Variants in OR3A2 observed in about 807,000 individuals in gnomAD.
OR3A2 encodes the protein olfactory receptor 3A2.
For missense variants in OR3A2, 318 were observed against 392.8 expected (o/e 0.81, Z 1.61); for synonymous variants, 126 against 159.3 (o/e 0.79, Z 1.57).
Position 3,371,444 on chromosome 17 carries a change from G to A in OR3A2, c.-179+12360C>T, listed in dbSNP as rs1395798952. ...GGGCTGACCCCCCCACCTCCCTCCC[G>A]GACGGGGTGGCTGGCTGGGCGGGGG... On this transcript the variant is annotated intron_variant, in intron 2 of 4. Transcript: ENST00000573491. Among the ~76,000 whole-genome samples the A allele has an allele frequency of 8.4e-5, 12 of 142,836 alleles. 1 individual carries two copies. Among genetic ancestry groups the A allele is most frequent in the African/African-American group, 2.1e-4 (8 of 38,212 alleles). The allele number at this position is 142,836 out of a possible 152,430, so 93.7% of individuals were successfully genotyped here. A position where few individuals can be genotyped will look rare whatever the true frequency, so the allele number is the denominator to read the frequency against.
intron 1 of OR3A2, among the ~76,000 whole-genome samples, chr17:3,280,480 G>T (rs1034326563): frequency 3.3e-5 from 5 of 152,098 alleles, no homozygotes; most frequent in African/African-American, 1.2e-4. Context: ...CACCGTGTTA[G>T]CCAGGATGGT....
At chr17:3,341,703 C>A (rs974456120) in intron 2 of OR3A2, among the ~76,000 whole-genome samples, 2 of 152,086 alleles carry the variant, frequency 1.3e-5, no homozygotes, top group Non-Finnish European at 2.9e-5. Flanking sequence ...AACATTTTTT[C>A]TTTCATTTCA....
At chr17:3,330,032 T>A (rs1208646973) in intron 3 of OR3A2, among the ~76,000 whole-genome samples, 5 of 147,358 alleles carry the variant, frequency 3.4e-5, no homozygotes, top group Non-Finnish European at 5.9e-5. Flanking sequence ...TTGAGTGAGA[T>A]TCTTAATCCT....
At chr17:3,371,998 CCGGG>C (rs1392103061) in intron 2 of OR3A2, among the ~76,000 whole-genome samples, 12 of 112,444 alleles carry the variant, frequency 1.1e-4, no homozygotes, top group African/African-American at 3.7e-4. Flanking sequence ...GGGGTGGCTG[CCGGG>C]CAGAGGGGCT....
chr17:3,349,477 GCTAA>G (rs1417127106), intron 2 of OR3A2, among the ~76,000 whole-genome samples: 2 of 152,010 alleles, frequency 1.3e-5, no homozygotes, highest in African/African-American at 4.8e-5. Flanking sequence ...AACAAGAAGA[GCTAA>G]CTATCCTAAA....
chr17:3,294,913 A>G (rs1404082263), intron 3 of OR3A2, among the ~76,000 whole-genome samples: 1 of 152,206 alleles, frequency 6.6e-6, no homozygotes, highest in Admixed American at 6.5e-5. Context: ...AGTTACAAAC[A>G]TTAGCCATTG....
chr17:3,334,091 A>C (rs7211482), intron 3 of OR3A2, among the ~76,000 whole-genome samples: 2,099 of 152,324 alleles, frequency 0.014, 38 homozygotes, highest in African/African-American at 0.047. Flanking sequence ...CAATTACTAA[A>C]AAGTCAAGAA....
intron 3 of OR3A2, among the ~76,000 whole-genome samples, chr17:3,296,376 C>T (rs962649983): frequency 2.0e-5 from 3 of 151,874 alleles, no homozygotes; most frequent in African/African-American, 7.3e-5. Context: ...ATGAGTATAT[C>T]CACAACAACG....
intron 3 of OR3A2, among the ~76,000 whole-genome samples, chr17:3,322,158 G>A (rs375253449): frequency 1.6e-4 from 25 of 152,170 alleles, no homozygotes; most frequent in South Asian, 6.2e-4. Context: ...GTTTATTTGC[G>A]TAGAGGTGTT....
chr17:3,360,512 T>C (rs1440305912), intron 2 of OR3A2, among the ~76,000 whole-genome samples: 2 of 151,838 alleles, frequency 1.3e-5, no homozygotes, highest in Non-Finnish European at 2.9e-5. Context: ...TCCTGAATGG[T>C]ATTGCATAGG....
At chr17:3,334,316 C>T (rs1049449504) in intron 3 of OR3A2, among the ~76,000 whole-genome samples, 2 of 152,132 alleles carry the variant, frequency 1.3e-5, no homozygotes, top group African/African-American at 4.8e-5. Context: ...CCTACCATTC[C>T]TGGCCTCTGG....
At chr17:3,367,835 T>C (rs1320690221) in intron 2 of OR3A2, among the ~76,000 whole-genome samples, 1 of 152,064 alleles carries the variant, frequency 6.6e-6, no homozygotes, top group East Asian at 1.9e-4. Flanking sequence ...CTGTTTTCCA[T>C]AGTGGTTGTA....
chr17:3,322,475 T>C (rs1250779907), intron 3 of OR3A2, among the ~76,000 whole-genome samples: 1 of 152,200 alleles, frequency 6.6e-6, no homozygotes. Flanking sequence ...GGGCATCAAT[T>C]TTAGATCTTT....
chr17:3,344,186 T>G (rs1257095366), intron 2 of OR3A2, among the ~76,000 whole-genome samples: 1 of 152,188 alleles, frequency 6.6e-6, no homozygotes, highest in African/African-American at 2.4e-5. Flanking sequence ...GATGTCTGTG[T>G]ATTGACTCTT....
chr17:3,357,396 T>G (rs1410620073), intron 2 of OR3A2, among the ~76,000 whole-genome samples: 1 of 151,442 alleles, frequency 6.6e-6, no homozygotes, highest in Non-Finnish European at 1.5e-5. Flanking sequence ...ACCCTCCCCA[T>G]GAAAATAAAA....
chr17:3,306,694 A>AAAAAAAAAAC lies in OR3A2; in HGVS notation c.-84-27542_-84-27541insGTTTTTTTTT, dbSNP rs1429072041. Among the ~76,000 whole-genome samples the AAAAAAAAAAC allele has an allele frequency of 4.1e-3, 483 of 118,152 alleles. 25 individuals are homozygous for AAAAAAAAAAC. The highest frequency in any genetic ancestry group is 0.033 in the Admixed American group (366 of 11,192). 77.5% of individuals were successfully genotyped at this position (118,152 alleles called of 152,430 possible). A position where few individuals can be genotyped will look rare whatever the true frequency, so the allele number is the denominator to read the frequency against. ...TACTACTCTTCAAAAAAAAAAAAAA[A>AAAAAAAAAAC]ACCGTAACCCCTTTTATTTTCTCCA... On this transcript the variant is annotated intron_variant, in intron 3 of 4. Transcript: ENST00000573491.
intron 3 of OR3A2, among the ~76,000 whole-genome samples, chr17:3,318,755 C>A (rs1336251997): frequency 6.6e-6 from 1 of 152,106 alleles, no homozygotes; most frequent in Non-Finnish European, 1.5e-5. Flanking sequence ...AGCTATTTCC[C>A]TAAATGGGCC....
chr17:3,338,947 C>G (rs1490586671), intron 2 of OR3A2, among the ~76,000 whole-genome samples: 1 of 152,094 alleles, frequency 6.6e-6, no homozygotes, highest in East Asian at 1.9e-4. Context: ...TTTTGTTGAG[C>G]AGTGGTTTGT....
chr17:3,287,978 G>T (rs1194027905), upstream of OR3A2, among the ~76,000 whole-genome samples: 2 of 151,278 alleles, frequency 1.3e-5, no homozygotes, highest in East Asian at 3.9e-4. Context: ...GACTTAAAAA[G>T]AAATGTAAAA....
Sources: gnomAD v4.1 joint callset for allele counts (sites outside exome capture counted in the v4.1 genomes callset) on GRCh38, gnomAD v4.1.1 for gene constraint, MANE v1.5 for transcripts, NCBI Gene and HGNC (gene_info 2026-07-23, HGNC 2026-07-21) for gene names.